PCDH9: variants seen among roughly 807,000 people sequenced by gnomAD.
The protein encoded by PCDH9 is protocadherin 9, also known as protocadherin-9.
PCDH9 carries 24 observed loss-of-function variants against 70.6 expected under a neutral mutation model. That is an observed-to-expected ratio of 0.34 (90% confidence interval 0.25 to 0.48). PCDH9 has a LOEUF of 0.48. Among genes scored for constraint, PCDH9 ranks in the 20% least tolerant of loss-of-function variants. The probability of loss-of-function intolerance (pLI) is 0.99; values close to 1 mark genes in which losing one functional copy is unlikely to be tolerated. For missense variants in PCDH9, 1,281 were observed against 1,503.6 expected (o/e 0.85, Z 2.45); for synonymous variants, 562 against 558.5 (o/e 1.01, Z -0.09).
At chr13:66,321,543 T>C (rs1955754499) in intron 4 of PCDH9, among the ~76,000 whole-genome samples, 1 of 151,944 alleles carries the variant, frequency 6.6e-6, no homozygotes, top group Non-Finnish European at 1.5e-5. Context: ...GTGCGTTGTT[T>C]GGCTGGCTGC....
intron 2 of PCDH9, among the ~76,000 whole-genome samples, chr13:67,140,755 C>A (rs898660351): frequency 3.3e-5 from 5 of 152,080 alleles, no homozygotes; most frequent in Non-Finnish European, 5.9e-5. Flanking sequence ...GGATAAGAAA[C>A]AGTTTGTTCT....
At chr13:66,414,113 A>G (rs1197347600) in intron 4 of PCDH9, among the ~76,000 whole-genome samples, 2 of 152,216 alleles carry the variant, frequency 1.3e-5, no homozygotes, top group Non-Finnish European at 2.9e-5. Flanking sequence ...AAAAAATCAA[A>G]GACTAGACAT....
At chr13:67,070,812 A>G (rs1425928177) in intron 2 of PCDH9, among the ~76,000 whole-genome samples, 1 of 152,092 alleles carries the variant, frequency 6.6e-6, no homozygotes, top group East Asian at 1.9e-4. Flanking sequence ...ATGTAAGTTG[A>G]TTCTTTTTTT....
intron 2 of PCDH9, chr13:67,206,952 T>C (rs1566495819): frequency 6.6e-6 from 1 of 152,178 alleles, no homozygotes; most frequent in African/African-American, 2.4e-5. Context: ...TTATTTAAAT[T>C]AACAACTAAA....
chr13:66,350,449 A>G (rs1956277037), intron 4 of PCDH9, among the ~76,000 whole-genome samples: 1 of 152,062 alleles, frequency 6.6e-6, no homozygotes, highest in Admixed American at 6.6e-5. Context: ...CTTAGTTACA[A>G]CTACTAGGTA....
intron 4 of PCDH9, among the ~76,000 whole-genome samples, chr13:66,387,704 A>G (rs1466385895): frequency 6.6e-6 from 1 of 152,094 alleles, no homozygotes; most frequent in Non-Finnish European, 1.5e-5. Context: ...CTTCTTGTAC[A>G]GCCTGCAGAA....
At chr13:66,803,482 G>A (rs1269953349) in intron 3 of PCDH9, among the ~76,000 whole-genome samples, 2 of 152,228 alleles carry the variant, frequency 1.3e-5, no homozygotes, top group East Asian at 3.9e-4. Flanking sequence ...CCACTCCTGA[G>A]CATCCAGTAG....
chr13:67,148,999 T>C (rs1049937659), intron 2 of PCDH9, among the ~76,000 whole-genome samples: 3 of 152,192 alleles, frequency 2.0e-5, no homozygotes, highest in African/African-American at 7.2e-5. Context: ...GTAAGGCACC[T>C]ATAGAGCAAA....
At chr13:66,439,706 A>G (rs1279777985) in intron 4 of PCDH9, among the ~76,000 whole-genome samples, 1 of 152,130 alleles carries the variant, frequency 6.6e-6, no homozygotes, top group Non-Finnish European at 1.5e-5. Context: ...TTATTGTTTC[A>G]TATAATTTAT....
chr13:67,215,472 G>C (rs2089580870), intron 2 of PCDH9: 1 of 152,048 alleles, frequency 6.6e-6, no homozygotes, highest in Non-Finnish European at 1.5e-5. Context: ...ATGTTTAGAA[G>C]TAATAAATCA....
chr13:67,154,627 CACACACACACACACACACAT>C (rs2087761039), intron 2 of PCDH9, among the ~76,000 whole-genome samples: 2 of 141,732 alleles, frequency 1.4e-5, no homozygotes, highest in Non-Finnish European at 3.1e-5. Flanking sequence ...CACACACACA[CACACACACACACACACACAT>C]ACAAGATACT....
intron 2 of PCDH9, among the ~76,000 whole-genome samples, chr13:67,007,226 T>C (rs1473953044): frequency 6.6e-6 from 1 of 152,072 alleles, no homozygotes; most frequent in Non-Finnish European, 1.5e-5. Flanking sequence ...AGAACATTGG[T>C]TCAATGTCAT....
intron 3 of PCDH9, among the ~76,000 whole-genome samples, chr13:66,686,185 AC>A (rs1338985349): frequency 6.6e-6 from 1 of 152,116 alleles, no homozygotes; most frequent in East Asian, 1.9e-4. Flanking sequence ...CATGAGAGGG[AC>A]CCAGTGGGAG....
chr13:66,660,403 G>C (rs1304492653), intron 3 of PCDH9, among the ~76,000 whole-genome samples: 2 of 152,022 alleles, frequency 1.3e-5, no homozygotes, highest in African/African-American at 2.4e-5. Context: ...GGTCTCCTGA[G>C]AATATGAAGG....
chr13:66,786,239 C>CA (rs1420008054), intron 3 of PCDH9, among the ~76,000 whole-genome samples: 3 of 152,122 alleles, frequency 2.0e-5, no homozygotes, highest in Non-Finnish European at 4.4e-5. Context: ...CCACATGCAT[C>CA]AAGGAAAGCT....
intron 2 of PCDH9, among the ~76,000 whole-genome samples, chr13:66,978,868 A>G (rs1400461087): frequency 2.0e-5 from 3 of 151,130 alleles, no homozygotes; most frequent in African/African-American, 7.3e-5. Context: ...TTATATATGC[A>G]TATGTATGAA....
intron 2 of PCDH9, among the ~76,000 whole-genome samples, chr13:67,189,406 C>A (rs770292910): frequency 5.3e-5 from 8 of 151,920 alleles, no homozygotes; most frequent in Admixed American, 5.3e-4. Context: ...TAAACACAGA[C>A]GCATGTAACT....
chr13:66,619,613 G>T (rs1229354124), intron 4 of PCDH9, among the ~76,000 whole-genome samples: 20 of 152,010 alleles, frequency 1.3e-4, no homozygotes, highest in Non-Finnish European at 8.8e-5. Context: ...TAGTAATTTT[G>T]TAAATTAAGC....
chr13:66,708,281 T>C (rs111298667), intron 3 of PCDH9, among the ~76,000 whole-genome samples: 2,974 of 151,842 alleles, frequency 0.02, 104 homozygotes, highest in African/African-American at 0.068. Flanking sequence ...GATCTCCTGA[T>C]CTCGTGATCC....
Sources: allele counts gnomAD v4.1 joint callset (sites outside exome capture counted in the v4.1 genomes callset), GRCh38; gene constraint gnomAD v4.1.1; transcripts MANE v1.5; gene names NCBI Gene and HGNC (gene_info 2026-07-23, HGNC 2026-07-21).